Variants in ALK observed in about 807,000 individuals in gnomAD.
ALK encodes ALK receptor tyrosine kinase.
In ALK, 74 loss-of-function variants were observed where a neutral mutation model predicts 163.1. The observed-to-expected ratio is 0.45, with a 90% CI of 0.38 to 0.55. The LOEUF (loss-of-function observed/expected upper bound fraction) is 0.55, where lower values mean the gene tolerates loss of function less well. Among genes scored for constraint, ALK ranks in the 20% least tolerant of loss-of-function variants. The pLI is 0.00. For missense variants in ALK, 2,063 were observed against 2,105.3 expected, an observed-to-expected ratio of 0.98 and a Z score of 0.39; for synonymous variants, 960 against 843.2, an observed-to-expected ratio of 1.14 and a Z score of -2.40.
intron 3 of ALK, among the ~76,000 whole-genome samples, chr2:29,673,220 G>A (rs1479572610): frequency 7.3e-6 from 1 of 136,402 alleles, no homozygotes; most frequent in African/African-American, 3.0e-5. Flanking sequence ...TGTTGCCATT[G>A]CTTTTGGTGT....
intron 4 of ALK, among the ~76,000 whole-genome samples, chr2:29,488,029 T>C (rs969253604): frequency 1.3e-5 from 2 of 152,292 alleles, no homozygotes; most frequent in African/African-American, 2.4e-5. Context: ...TATACACATA[T>C]GCACGTGCAC....
At chr2:29,718,529 A>C (rs993968093) in intron 1 of ALK, among the ~76,000 whole-genome samples, 3 of 152,232 alleles carry the variant, frequency 2.0e-5, no homozygotes, top group African/African-American at 7.2e-5. Flanking sequence ...GTTCTCTTTC[A>C]TAGATAGATG....
intron 4 of ALK, among the ~76,000 whole-genome samples, chr2:29,433,074 CTATT>C (rs1459513167): frequency 3.3e-5 from 5 of 152,150 alleles, no homozygotes; most frequent in Admixed American, 2.6e-4. Flanking sequence ...GAGATAATCC[CTATT>C]TATTTCCAAA....
rs879359655 is a variant in ALK at position 29,246,076 on chromosome 2, C to T, written c.2204+5029G>A. On this transcript the variant is annotated intron_variant, in intron 12 of 28. Transcript: ENST00000389048. The surrounding 1 kb of genome is among the most constrained non-coding windows in gnomAD (Gnocchi z 4.3). ...AGGTGAGCTGTGGGACGACTGCCTT[C>T]GGGAGCTATGGGCCATGCTTGACAA... is the stretch of plus-strand genomic sequence containing the variant. Among the ~76,000 whole-genome samples, 1 of 152,180 alleles carries T rather than the reference C, an allele frequency of 6.6e-6. No individual in the cohort carries two copies. The highest frequency in any genetic ancestry group is 1.9e-4 in the East Asian group (1 of 5,200).
rs145196419 is a variant in ALK at position 29,678,862 on chromosome 2, G to A, written c.952+15988C>T. On this transcript the variant is annotated intron_variant, in intron 3 of 28. Transcript: ENST00000389048. ...CTTGAAAGGTTTGTATTATGTAGTC[G>A]TTAGGTGGAAAGGTGTTTATTTGTC... Among the ~76,000 whole-genome samples the A allele has an allele frequency of 8.1e-3, 1,227 of 151,782 alleles. 15 individuals carry two copies. The highest frequency in any genetic ancestry group is 0.044 in the South Asian group (210 of 4,820).
At chr2:29,700,956 C>T (rs78417826) in intron 2 of ALK, among the ~76,000 whole-genome samples, 2,623 of 152,308 alleles carry the variant, frequency 0.017, 72 homozygotes, top group African/African-American at 0.058. Flanking sequence ...CAGTCAGGCC[C>T]AAGGCCTGTG....
intron 1 of ALK, among the ~76,000 whole-genome samples, chr2:29,758,287 C>A (rs1316774410): frequency 6.6e-6 from 1 of 152,046 alleles, no homozygotes; most frequent in Non-Finnish European, 1.5e-5. Context: ...TGTGCCCAGC[C>A]CCACGTACTC....
chr2:29,423,927 C>A (rs1670076838), intron 4 of ALK, among the ~76,000 whole-genome samples: 1 of 152,184 alleles, frequency 6.6e-6, no homozygotes, highest in Non-Finnish European at 1.5e-5. Context: ...CTTTGACCAG[C>A]AGACTCCCTC....
At chr2:29,843,391 T>G (rs1004041063) in intron 1 of ALK, among the ~76,000 whole-genome samples, 1 of 151,972 alleles carries the variant, frequency 6.6e-6, no homozygotes. Flanking sequence ...ATTCTCTACT[T>G]AGGTTGCGAG....
At chr2:29,335,092 A>G (rs1418812215) in intron 5 of ALK, among the ~76,000 whole-genome samples, 1 of 152,158 alleles carries the variant, frequency 6.6e-6, no homozygotes, top group East Asian at 1.9e-4. Context: ...TAGACGTGAA[A>G]AGCCAGCTCC....
intron 4 of ALK, among the ~76,000 whole-genome samples, chr2:29,407,062 T>A (rs1340919827): frequency 6.6e-6 from 1 of 152,216 alleles, no homozygotes; most frequent in Non-Finnish European, 1.5e-5. Context: ...ATTTTGTGCA[T>A]GAAGTCCGCG....
intron 1 of ALK, among the ~76,000 whole-genome samples, chr2:29,878,361 G>A (rs1169572946): frequency 6.6e-6 from 1 of 152,308 alleles, no homozygotes; most frequent in East Asian, 1.9e-4. Context: ...CCTGTATTAA[G>A]TACACTGTTC....
chr2:29,276,594 T>C (rs1035229638), intron 9 of ALK, among the ~76,000 whole-genome samples: 4 of 152,132 alleles, frequency 2.6e-5, no homozygotes, highest in Admixed American at 6.5e-5. Flanking sequence ...TACCCATCCA[T>C]TGGTGACTGG....
chr2:29,281,866 A>G (rs1665727414), intron 9 of ALK, among the ~76,000 whole-genome samples: 2 of 152,220 alleles, frequency 1.3e-5, no homozygotes, highest in Admixed American at 6.5e-5. Context: ...GTACCATCTC[A>G]TTCAGGCAAC....
Position 29,223,458 on chromosome 2 carries a change from G to A in ALK, c.3243C>T (p.Ser1081=), listed in dbSNP as rs1669864463. 3 of 1,614,198 alleles carry A rather than the reference G, an allele frequency of 1.9e-6. No homozygotes were observed. Among genetic ancestry groups the A allele is most frequent in the Non-Finnish European group, 2.5e-6 (3 of 1,180,032 alleles). Residue 1081 remains serine (S), a synonymous_variant, in exon 20 of 29, where the codon AGC becomes AGT. Coordinates refer to ENST00000389048, the MANE Select transcript of ALK (RefSeq NM_004304.5). Reference sequence around the variant, plus strand: ...TCATGATGGTCGAGGTGCGGAGCTTGCTCAGCTTGTACTCAGGGCTCTGCA... The same window carrying A: ...TCATGATGGTCGAGGTGCGGAGCTTACTCAGCTTGTACTCAGGGCTCTGCA... ...MELQSPEYKL[S]KLRTSTIMTD...
intron 2 of ALK, among the ~76,000 whole-genome samples, chr2:29,699,730 A>G (rs993228685): frequency 9.2e-5 from 14 of 152,238 alleles, no homozygotes; most frequent in African/African-American, 3.4e-4. Context: ...GAATCTGACC[A>G]TTGAAAAAGA....
At chr2:29,587,171 C>G (rs1339449712) in intron 3 of ALK, among the ~76,000 whole-genome samples, 3 of 152,300 alleles carry the variant, frequency 2.0e-5, no homozygotes, top group Non-Finnish European at 4.4e-5. Flanking sequence ...GTAGGATATT[C>G]TCATGTTTTA....
intron 3 of ALK, among the ~76,000 whole-genome samples, chr2:29,579,273 C>T (rs1038894834): frequency 3.3e-5 from 5 of 152,198 alleles, no homozygotes; most frequent in African/African-American, 1.2e-4. Flanking sequence ...AGTTCCGTTC[C>T]AGCTTTAGCG....
At chr2:29,474,652 T>C (rs1390114732) in intron 4 of ALK, among the ~76,000 whole-genome samples, 2 of 152,204 alleles carry the variant, frequency 1.3e-5, no homozygotes, top group African/African-American at 4.8e-5. Flanking sequence ...AGAAATAATA[T>C]CTGAATTTTT....
Sources: gnomAD v4.1 joint callset for allele counts (sites outside exome capture counted in the v4.1 genomes callset) on GRCh38, gnomAD v4.1.1 for gene constraint, Gnocchi (gnomAD v3.1) non-coding constraint, MANE v1.5 for transcripts, NCBI Gene and HGNC (gene_info 2026-07-23, HGNC 2026-07-21) for gene names.